The following PKIG variants were observed in gnomAD, a reference collection of about 807,000 sequenced individuals.
PKIG encodes cAMP-dependent protein kinase inhibitor gamma.
Under a neutral mutation model 6.8 loss-of-function variants are expected in PKIG, and 1 was observed. The observed-to-expected ratio is 0.15, with a 90% CI of 0.05 to 0.69. The LOEUF (loss-of-function observed/expected upper bound fraction) is 0.69, where lower values mean the gene tolerates loss of function less well. Among genes scored for constraint, PKIG ranks in the 30% least tolerant of loss-of-function variants. The pLI, the probability that PKIG is intolerant of heterozygous loss-of-function variation, is 0.82. For synonymous variants in PKIG, 39 were observed against 43.0 expected, an observed-to-expected ratio of 0.91 and a Z score of 0.36; for missense variants, 77 against 104.0, an observed-to-expected ratio of 0.74 and a Z score of 1.13.
intron 1 of PKIG, among the ~76,000 whole-genome samples, chr20:44,570,327 A>C (rs1417884951): frequency 2.0e-5 from 3 of 152,208 alleles, no homozygotes; most frequent in Non-Finnish European, 4.4e-5. Context: ...GCAATAAATA[A>C]GATGTATCTA....
rs1322758991 is a variant in PKIG at position 44,614,663 on chromosome 20, G to C, written c.107G>C (p.Arg36Thr). ...GGAGACTCAGAGGCTGTGAGCGTGA[G>C]GAAGCTGGCTGGAGACATGGGCGAG... ...IQGDSEAVSV[R>T]KLAGDMGELA... Residue 36 changes from arginine (R) to threonine (T), a missense_variant, in exon 3 of 4, where the codon AGG becomes ACG. Arg to Thr is a moderately conservative substitution (Grantham distance 71). Transcript: ENST00000372886. The surrounding 1 kb of genome is among the most constrained non-coding windows in gnomAD (Gnocchi z 4.6). The C allele has an allele frequency of 6.2e-7, 1 of 1,613,916 alleles. No individual in the cohort carries two copies. Among genetic ancestry groups the C allele is most frequent in the Non-Finnish European group, 8.5e-7 (1 of 1,180,034 alleles).
chr20:44,535,383 G>A (rs2064503291), intron 1 of PKIG, among the ~76,000 whole-genome samples: 1 of 152,228 alleles, frequency 6.6e-6, no homozygotes, highest in Non-Finnish European at 1.5e-5. Flanking sequence ...GCTTACGCCT[G>A]TAATCCCAGC....
upstream of PKIG, among the ~76,000 whole-genome samples, chr20:44,580,163 C>G (rs1288180302): frequency 6.6e-6 from 1 of 152,108 alleles, no homozygotes; most frequent in African/African-American, 2.4e-5. Context: ...TAGTATGTGC[C>G]AGGCACATAA....
intron 2 of PKIG, among the ~76,000 whole-genome samples, chr20:44,611,818 C>T (rs1415230724): frequency 6.6e-6 from 1 of 151,952 alleles, no homozygotes; most frequent in African/African-American, 2.4e-5. Flanking sequence ...TGTGCCTAGC[C>T]GATAACAAAT....
intron 2 of PKIG, among the ~76,000 whole-genome samples, chr20:44,595,754 C>T (rs945163109): frequency 7.2e-5 from 11 of 152,116 alleles, no homozygotes; most frequent in East Asian, 1.9e-4. Flanking sequence ...CCTCGTGATC[C>T]GCCAGCCTTG....
At chr20:44,588,112 G>C (rs2065005306) in intron 1 of PKIG, among the ~76,000 whole-genome samples, 1 of 152,234 alleles carries the variant, frequency 6.6e-6, no homozygotes, top group Non-Finnish European at 1.5e-5. Context: ...TGGAGGAGCA[G>C]TAGCATTTGA....
chr20:44,614,215 A>C lies in PKIG; in HGVS notation c.-23-319A>C. 2 of 239,946 alleles carry C rather than the reference A, an allele frequency of 8.3e-6. No individual in the cohort carries two copies. The highest frequency in any genetic ancestry group is 8.2e-6 in the Non-Finnish European group (1 of 121,438). The allele number at this position is 239,946 out of a possible 1,614,324, so 14.9% of individuals were successfully genotyped here. ...GGTAAGCTCTGTGAGGCCAGGGACC[A>C]TGGCCAGTTTGTTCATGGTGGTATC... On this transcript the variant is annotated intron_variant, in intron 2 of 3. Transcript: ENST00000372886. The surrounding 1 kb of genome is among the most constrained non-coding windows in gnomAD (Gnocchi z 4.6).
At chr20:44,574,851 T>A (rs1048196688) in intron 1 of PKIG, among the ~76,000 whole-genome samples, 1 of 152,172 alleles carries the variant, frequency 6.6e-6, no homozygotes, top group Admixed American at 6.5e-5. Context: ...ATTACAGGCG[T>A]GAGCTACCGT....
chr20:44,555,801 G>A (rs766442290), intron 1 of PKIG, among the ~76,000 whole-genome samples: 17 of 152,126 alleles, frequency 1.1e-4, no homozygotes, highest in Admixed American at 2.6e-4. Flanking sequence ...AAACCCAAGA[G>A]TTGGGAGGAA....
intron 2 of PKIG, among the ~76,000 whole-genome samples, chr20:44,609,549 C>T (rs972307684): frequency 6.6e-5 from 10 of 152,292 alleles, no homozygotes; most frequent in Non-Finnish European, 1.3e-4. Context: ...TTCAGAGGCC[C>T]GAGAGTGAAA....
chr20:44,582,246 AAAC>A, upstream of PKIG, among the ~76,000 whole-genome samples: 1 of 152,202 alleles, frequency 6.6e-6, no homozygotes, highest in East Asian at 1.9e-4. Context: ...GAAAGGAATT[AAAC>A]ACACAGGAAA....
chr20:44,548,226 T>C (rs540124654), intron 1 of PKIG, among the ~76,000 whole-genome samples: 149 of 152,202 alleles, frequency 9.8e-4, no homozygotes, highest in African/African-American at 3.5e-3. Flanking sequence ...ACACAGGCAG[T>C]GGAATAATAT....
At chr20:44,615,509 A>C (rs1600906854) in intron 3 of PKIG, among the ~76,000 whole-genome samples, 1 of 151,386 alleles carries the variant, frequency 6.6e-6, no homozygotes. Context: ...TGGCTGGAAC[A>C]CCCCCACCCC....
rs747218712 is a variant in PKIG at position 44,618,377 on chromosome 20, C to A, written c.*13C>A. 1.3e-6 allele frequency: 2 copies of A among 1,585,000 alleles called. No homozygotes were observed. The highest frequency in any genetic ancestry group is 1.3e-5 in the African/African-American group (1 of 74,358). The stretch of plus-strand genomic sequence containing the variant: ...CACCTCGTCTTGAATCTGACCTTGT[C>A]CAAGAAGGCTGGACGAGAGACCTTC... On this transcript the variant is annotated 3_prime_UTR_variant, in exon 4 of 4. Coordinates refer to ENST00000372886, the MANE Select transcript of PKIG (RefSeq NM_001281445.2).
intron 1 of PKIG, among the ~76,000 whole-genome samples, chr20:44,536,513 A>G: frequency 6.6e-6 from 1 of 152,212 alleles, no homozygotes; most frequent in East Asian, 1.9e-4. Context: ...GGACTTGACC[A>G]ACAAGAGGTA....
intron 2 of PKIG, among the ~76,000 whole-genome samples, chr20:44,610,545 G>A (rs2123464561): frequency 7.8e-6 from 1 of 128,324 alleles, no homozygotes; most frequent in Non-Finnish European, 1.6e-5. Context: ...GCACTTACTG[G>A]CTCAACCCCA....
chr20:44,589,919 C>T (rs1005631223), intron 2 of PKIG, 53 bp downstream of exon 2: 1 of 152,300 alleles, frequency 6.6e-6, no homozygotes, highest in Non-Finnish European at 1.5e-5. Flanking sequence ...ACGTTTTTGC[C>T]TGAATATCTT....
intron 2 of PKIG, among the ~76,000 whole-genome samples, chr20:44,593,606 G>A (rs2065052333): frequency 6.6e-6 from 1 of 152,180 alleles, no homozygotes; most frequent in Admixed American, 6.5e-5. Context: ...TAGAAGGGTT[G>A]TTGGGGAAAT....
chr20:44,594,782 T>C (rs1270147709), intron 2 of PKIG, among the ~76,000 whole-genome samples: 1 of 152,212 alleles, frequency 6.6e-6, no homozygotes, highest in Non-Finnish European at 1.5e-5. Context: ...CTCCTTTGAA[T>C]TCCCTTTTTT....
Sources: allele counts gnomAD v4.1 joint callset (sites outside exome capture counted in the v4.1 genomes callset), GRCh38; gene constraint gnomAD v4.1.1; non-coding constraint Gnocchi (gnomAD v3.1); transcripts MANE v1.5; gene names NCBI Gene and HGNC (gene_info 2026-07-23, HGNC 2026-07-21).